Variants in ST6GALNAC5 observed in about 807,000 individuals in gnomAD.
The protein encoded by ST6GALNAC5 is ST6 N-acetylgalactosaminide alpha-2,6-sialyltransferase 5.
In ST6GALNAC5, 27 loss-of-function variants were observed where a neutral mutation model predicts 33.6. The ratio of observed to expected loss-of-function variants is 0.80; its 90% CI spans 0.59 to 1.11. ST6GALNAC5 has a LOEUF of 1.11. Ranked by LOEUF, ST6GALNAC5 falls within the 50% of genes least tolerant of loss-of-function variation. The pLI, the probability that ST6GALNAC5 is intolerant of heterozygous loss-of-function variation, is 0.00. For missense variants in ST6GALNAC5, 428 were observed against 454.0 expected, an observed-to-expected ratio of 0.94 and a Z score of 0.52; for synonymous variants, 194 against 171.2, an observed-to-expected ratio of 1.13 and a Z score of -1.04.
At chr1:76,893,073 T>TAA (rs1654047877) in intron 2 of ST6GALNAC5, among the ~76,000 whole-genome samples, 1 of 152,160 alleles carries the variant, frequency 6.6e-6, no homozygotes, top group Non-Finnish European at 1.5e-5. Context: ...ATGCACTCTT[T>TAA]AATTTAACCC....
intron 2 of ST6GALNAC5, among the ~76,000 whole-genome samples, chr1:76,968,211 G>A (rs1648581315): frequency 6.6e-6 from 1 of 152,122 alleles, no homozygotes; most frequent in South Asian, 2.1e-4. Flanking sequence ...TATTCTGCGG[G>A]AGTCTAAGTC....
chr1:76,975,005 T>A (rs1444093857), intron 2 of ST6GALNAC5, among the ~76,000 whole-genome samples: 3 of 151,974 alleles, frequency 2.0e-5, no homozygotes, highest in Admixed American at 2.0e-4. Context: ...CAGGCTGGTT[T>A]TGAACTGCTG....
chr1:76,868,634 G>A lies in ST6GALNAC5; in HGVS notation c.153G>A (p.Ser51=), dbSNP rs748886017. 7.5e-6 allele frequency: 12 copies of A among 1,608,478 alleles called. No homozygotes were observed. The highest frequency in any genetic ancestry group is 3.4e-5 in the Admixed American group (2 of 59,654). The part of the protein sequence containing the change: ...QQQQQQQQQA[S]ATGSSQPAAE... Reference sequence around the variant, plus strand: ...AGCAGCAACAGCAGCAGCAGGCGTCGGCCACCGGCAGCTCGCAGCCGGCGG... The same window carrying A: ...AGCAGCAACAGCAGCAGCAGGCGTCAGCCACCGGCAGCTCGCAGCCGGCGG... Residue 51 remains serine, a synonymous_variant, in exon 2 of 5, where the codon TCG becomes TCA. Transcript: ENST00000477717. The surrounding 1 kb of genome is among the most constrained non-coding windows in gnomAD (Gnocchi z 4.3).
Position 76,913,821 on chromosome 1 carries a change from T to C in ST6GALNAC5, c.261+45079T>C, listed in dbSNP as rs1304209956. ...CCTCTCTCACCACTCCTTTTCAACA[T>C]AGTGTTGGAAGTTCTGGCCAGGGCA... On this transcript the variant is annotated intron_variant, in intron 2 of 4. Transcript: ENST00000477717. 2.0e-5 allele frequency among the ~76,000 whole-genome samples: 3 copies of C among 152,100 alleles called. No individual in the cohort carries two copies. The East Asian group carries it at 5.8e-4, about 29-fold the overall frequency.
At chr1:76,996,874 G>T (rs573856322) in intron 2 of ST6GALNAC5, among the ~76,000 whole-genome samples, 2 of 152,304 alleles carry the variant, frequency 1.3e-5, no homozygotes, top group South Asian at 4.1e-4. Flanking sequence ...TCAAGCAGGT[G>T]AGATCCTCAG....
intron 2 of ST6GALNAC5, among the ~76,000 whole-genome samples, chr1:76,917,346 T>C (rs1426786372): frequency 6.6e-6 from 1 of 152,142 alleles, no homozygotes; most frequent in Non-Finnish European, 1.5e-5. Context: ...ATATTAAACA[T>C]TGCTAAACTC....
chr1:76,867,542 C>T lies in ST6GALNAC5; in HGVS notation c.-134C>T. The T allele has an allele frequency of 1.4e-6, 2 of 1,427,606 alleles. No homozygotes were observed. The highest frequency in any genetic ancestry group is 1.7e-5 in the Admixed American group (1 of 58,782). The allele number at this position is 1,427,606 out of a possible 1,614,324, so 88.4% of individuals were successfully genotyped here. On this transcript the variant is annotated 5_prime_UTR_variant, in exon 1 of 5. Coordinates refer to ENST00000477717, the MANE Select transcript of ST6GALNAC5 (RefSeq NM_030965.3). ...CTTCCCGGGTCCCGCGGCTCCCGCGCGCGATCTGCCGCGGCCGGCTGCTGG... is the reference window on the plus strand; with the variant it reads ...CTTCCCGGGTCCCGCGGCTCCCGCGTGCGATCTGCCGCGGCCGGCTGCTGG...
chr1:76,875,213 T>G (rs1653610020), intron 2 of ST6GALNAC5, among the ~76,000 whole-genome samples: 1 of 152,238 alleles, frequency 6.6e-6, no homozygotes, highest in Non-Finnish European at 1.5e-5. Flanking sequence ...GTCTTCCCTT[T>G]GCCTTCAGCA....
At chr1:76,913,705 T>A (rs1183711589) in intron 2 of ST6GALNAC5, among the ~76,000 whole-genome samples, 1 of 152,102 alleles carries the variant, frequency 6.6e-6, no homozygotes, top group Admixed American at 6.6e-5. Flanking sequence ...TTCCAGTTGA[T>A]GGCATCGGCT....
chr1:76,883,402 T>C (rs544734281), intron 2 of ST6GALNAC5, among the ~76,000 whole-genome samples: 4 of 152,214 alleles, frequency 2.6e-5, no homozygotes, highest in African/African-American at 9.6e-5. Context: ...TTGTTGAATG[T>C]TGGGTAGGCA....
In ST6GALNAC5 at chr1:76,874,287, G is replaced by A. The variant is rs542049589; in HGVS notation, c.261+5545G>A. On this transcript the variant is annotated intron_variant, in intron 2 of 4. Coordinates refer to ENST00000477717, the MANE Select transcript of ST6GALNAC5 (RefSeq NM_030965.3). ...ATATTGTCTCTTTATGATTTTCCTCGGCATGACATAGGGTCTTCTGCACTT... is the reference window on the plus strand; with the variant it reads ...ATATTGTCTCTTTATGATTTTCCTCAGCATGACATAGGGTCTTCTGCACTT... 8.5e-5 allele frequency among the ~76,000 whole-genome samples: 13 copies of A among 152,064 alleles called. No homozygotes were observed. The South Asian group carries it at 2.7e-3, about 32-fold the overall frequency.
At chr1:77,003,428 C>T (rs1198011863) in intron 2 of ST6GALNAC5, among the ~76,000 whole-genome samples, 2 of 135,734 alleles carry the variant, frequency 1.5e-5, no homozygotes, top group Admixed American at 1.6e-4. Context: ...ACACTGATGG[C>T]TCTTGACTCT....
At chr1:77,024,193 G>C (rs1651152280) in intron 2 of ST6GALNAC5, among the ~76,000 whole-genome samples, 2 of 152,184 alleles carry the variant, frequency 1.3e-5, no homozygotes, top group Non-Finnish European at 2.9e-5. Flanking sequence ...GTAAGACCTT[G>C]TACTTTTCTT....
intron 2 of ST6GALNAC5, among the ~76,000 whole-genome samples, chr1:77,030,128 T>G (rs1651399024): frequency 6.6e-6 from 1 of 152,226 alleles, no homozygotes; most frequent in African/African-American, 2.4e-5. Context: ...GTTTCTCTGC[T>G]TTCTGATTTC....
chr1:76,961,411 G>C (rs192453969), intron 2 of ST6GALNAC5, among the ~76,000 whole-genome samples: 1 of 152,294 alleles, frequency 6.6e-6, no homozygotes, highest in East Asian at 1.9e-4. Context: ...GACAAGGAAC[G>C]TGAAAATTGG....
At chr1:76,924,892 T>C (rs1647070310) in intron 2 of ST6GALNAC5, among the ~76,000 whole-genome samples, 1 of 152,150 alleles carries the variant, frequency 6.6e-6, no homozygotes, top group Non-Finnish European at 1.5e-5. Flanking sequence ...TGGCCTGGTG[T>C]GTTAGTCTGT....
chr1:77,041,797 C>A (rs1268709266), intron 2 of ST6GALNAC5, among the ~76,000 whole-genome samples: 2 of 152,166 alleles, frequency 1.3e-5, no homozygotes, highest in African/African-American at 4.8e-5. Flanking sequence ...TTCAAATGAT[C>A]CTCCAAGGAA....
intron 2 of ST6GALNAC5, among the ~76,000 whole-genome samples, chr1:76,930,640 C>T (rs942563016): frequency 4.6e-5 from 7 of 151,974 alleles, no homozygotes; most frequent in African/African-American, 9.7e-5. Context: ...TTTTTTTCTT[C>T]GCATTATGGC....
At chr1:77,017,921 C>T (rs1005465976) in intron 2 of ST6GALNAC5, among the ~76,000 whole-genome samples, 2 of 152,160 alleles carry the variant, frequency 1.3e-5, no homozygotes, top group African/African-American at 2.4e-5. Flanking sequence ...CAGACAAGGG[C>T]TTCATTAGCC....
Sources: allele counts gnomAD v4.1 joint callset (sites outside exome capture counted in the v4.1 genomes callset), GRCh38; gene constraint gnomAD v4.1.1; non-coding constraint Gnocchi (gnomAD v3.1); transcripts MANE v1.5; gene names NCBI Gene and HGNC (gene_info 2026-07-23, HGNC 2026-07-21).